Variants in CHODL observed in about 807,000 individuals in gnomAD.
The protein encoded by CHODL is chondrolectin.
CHODL carries 29 observed loss-of-function variants against 34.5 expected under a neutral mutation model. The observed-to-expected ratio is 0.84, with a 90% CI of 0.63 to 1.15. The LOEUF (loss-of-function observed/expected upper bound fraction) is 1.15. CHODL is among the 50% of genes most tolerant of loss of function. CHODL has a pLI of 0.00. For synonymous variants in CHODL, 125 were observed against 116.1 expected, an observed-to-expected ratio of 1.08 and a Z score of -0.49; for missense variants, 332 against 332.5, an observed-to-expected ratio of 1.00 and a Z score of 0.01.
intron 1 of CHODL, among the ~76,000 whole-genome samples, chr21:17,962,788 G>A (rs2063540870): frequency 6.6e-6 from 1 of 152,140 alleles, no homozygotes; most frequent in South Asian, 2.1e-4. Flanking sequence ...TCCAGGCCAG[G>A]CGCGGTGGCT....
At chr21:17,953,134 A>C (rs189695649) in intron 1 of CHODL, among the ~76,000 whole-genome samples, 2 of 152,364 alleles carry the variant, frequency 1.3e-5, no homozygotes, top group East Asian at 3.9e-4. Flanking sequence ...TAAGATTTAC[A>C]TACTGAAGTA....
At chr21:18,171,351 C>T (rs1160188822) in intron 2 of CHODL, among the ~76,000 whole-genome samples, 4 of 149,528 alleles carry the variant, frequency 2.7e-5, no homozygotes, top group South Asian at 2.1e-4. Context: ...GGACTACAGG[C>T]GCCCGCCACC....
intron 2 of CHODL, among the ~76,000 whole-genome samples, chr21:18,089,688 G>T (rs2065048678): frequency 6.6e-6 from 1 of 152,140 alleles, no homozygotes; most frequent in Non-Finnish European, 1.5e-5. Flanking sequence ...AGCTCATGAG[G>T]TGCATATCTT....
At chr21:18,036,187 CT>C (rs1308341775) in intron 2 of CHODL, among the ~76,000 whole-genome samples, 1 of 151,984 alleles carries the variant, frequency 6.6e-6, no homozygotes, top group East Asian at 1.9e-4. Context: ...CAATACCTTT[CT>C]GAGTACTCTA....
intron 2 of CHODL, among the ~76,000 whole-genome samples, chr21:18,141,673 G>A (rs1012179046): frequency 2.0e-5 from 3 of 151,168 alleles, no homozygotes; most frequent in South Asian, 2.1e-4. Context: ...TGGTGGCTTC[G>A]CAGGTGTGGT....
At chr21:18,220,635 C>T (rs1157852057) in intron 2 of CHODL, among the ~76,000 whole-genome samples, 1 of 151,436 alleles carries the variant, frequency 6.6e-6, no homozygotes, top group Non-Finnish European at 1.5e-5. Context: ...TCATGGAAAA[C>T]TTTATTTCTC....
At chr21:18,170,220 C>T (rs193120263) in intron 2 of CHODL, among the ~76,000 whole-genome samples, 36 of 151,906 alleles carry the variant, frequency 2.4e-4, no homozygotes, top group African/African-American at 8.2e-4. Flanking sequence ...AAGCCTATTT[C>T]GATATAAGTA....
At chr21:17,987,681 A>G (rs2063764411) in intron 1 of CHODL, among the ~76,000 whole-genome samples, 1 of 152,210 alleles carries the variant, frequency 6.6e-6, no homozygotes, top group South Asian at 2.1e-4. Flanking sequence ...TTAATAGAAA[A>G]GCAAAGAGCT....
At chr21:18,111,007 A>G (rs2065344221) in intron 2 of CHODL, among the ~76,000 whole-genome samples, 1 of 152,126 alleles carries the variant, frequency 6.6e-6, no homozygotes, top group African/African-American at 2.4e-5. Context: ...GCTGTATCTT[A>G]TGTAGATTCA....
intron 1 of CHODL, among the ~76,000 whole-genome samples, chr21:17,973,309 A>G (rs995653962): frequency 2.0e-5 from 3 of 152,240 alleles, no homozygotes; most frequent in African/African-American, 7.2e-5. Context: ...ATTAAACTAA[A>G]GAGCTCCTGC....
rs189181026 is a variant in CHODL, at chr21:17,943,383, C to T, written c.-145+25983C>T. Among the ~76,000 whole-genome samples, 5 of 152,324 alleles carry T rather than the reference C, an allele frequency of 3.3e-5. No individual in the cohort carries two copies. In the South Asian group the frequency reaches 8.3e-4, roughly 25 times the overall value. On this transcript the variant is annotated intron_variant, in intron 1 of 6. Coordinates refer to the CHODL transcript ENST00000400127. Reference sequence around the variant, plus strand: ...TTTGGACTTGCCTAAAAAGTTCCCACAGTTGCATAGGCCAATTAGTTGCAA... The same window carrying T: ...TTTGGACTTGCCTAAAAAGTTCCCATAGTTGCATAGGCCAATTAGTTGCAA...
chr21:18,260,357 C>T, intron 4 of CHODL, 71 bp downstream of exon 4: 1 of 953,448 alleles, frequency 1.0e-6, no homozygotes, highest in Non-Finnish European at 1.6e-6. Flanking sequence ...TCATGTTGAC[C>T]CCAGTGAAAC....
intron 2 of CHODL, among the ~76,000 whole-genome samples, chr21:18,119,388 G>A (rs557853934): frequency 4.6e-5 from 7 of 152,070 alleles, no homozygotes; most frequent in African/African-American, 1.7e-4. Flanking sequence ...GCTAAATCAG[G>A]GATCAGCTTC....
At chr21:18,041,349 A>G (rs192326901) in intron 2 of CHODL, among the ~76,000 whole-genome samples, 1 of 152,064 alleles carries the variant, frequency 6.6e-6, no homozygotes, top group African/African-American at 2.4e-5. Flanking sequence ...CAACTGTGTG[A>G]TGAAAATAAC....
rs572867244 is a variant in CHODL, at chr21:18,029,311, A to G, written c.-45+1340A>G. Among the ~76,000 whole-genome samples the G allele has an allele frequency of 2.4e-4, 36 of 152,288 alleles. 1 individual carries two copies. The South Asian group carries it at 7.5e-3, about 32-fold the overall frequency. ...TCCTACTTTAATTTATGGCATTAGAATCACACCTTGCTTGCAGGCAGACAT... is the reference window on the plus strand; with the variant it reads ...TCCTACTTTAATTTATGGCATTAGAGTCACACCTTGCTTGCAGGCAGACAT... On this transcript the variant is annotated intron_variant, in intron 2 of 6. Coordinates refer to the CHODL transcript ENST00000400127.
intron 2 of CHODL, among the ~76,000 whole-genome samples, chr21:18,077,215 G>T (rs930367099): frequency 1.3e-5 from 2 of 152,148 alleles, no homozygotes; most frequent in Non-Finnish European, 2.9e-5. Flanking sequence ...GAATGGGATT[G>T]TCTGTCCTGT....
chr21:18,075,190 G>A (rs947564508), intron 2 of CHODL, among the ~76,000 whole-genome samples: 2 of 152,138 alleles, frequency 1.3e-5, no homozygotes, highest in African/African-American at 4.8e-5. Flanking sequence ...ATGGACTAAA[G>A]AATGCTCTCA....
intron 2 of CHODL, among the ~76,000 whole-genome samples, chr21:18,172,445 T>C (rs1024235879): frequency 6.6e-5 from 10 of 152,216 alleles, no homozygotes; most frequent in Non-Finnish European, 1.5e-5. Flanking sequence ...AGGCTAGAGT[T>C]CTTATATCTA....
chr21:18,134,835 A>G (rs932245384), intron 2 of CHODL, among the ~76,000 whole-genome samples: 2 of 152,210 alleles, frequency 1.3e-5, no homozygotes, highest in Non-Finnish European at 2.9e-5. Flanking sequence ...TAGAATGAGA[A>G]GTGGCATTAA....
Sources: allele counts gnomAD v4.1 joint callset (sites outside exome capture counted in the v4.1 genomes callset), GRCh38; gene constraint gnomAD v4.1.1; transcripts MANE v1.5; gene names NCBI Gene and HGNC (gene_info 2026-07-23, HGNC 2026-07-21).